The following ACTR3C variants were observed in gnomAD, a reference collection of about 807,000 sequenced individuals.
The protein encoded by ACTR3C is actin related protein 3C.
ACTR3C carries 18 observed loss-of-function variants against 26.3 expected under a neutral mutation model. The observed-to-expected ratio is 0.68, with a 90% confidence interval of 0.47 to 1.01. The LOEUF is 1.01. ACTR3C is among the 50% of genes least tolerant of loss of function. ACTR3C has a pLI of 0.00. For missense variants in ACTR3C, 184 were observed against 250.7 expected, an observed-to-expected ratio of 0.73 and a Z score of 1.80; for synonymous variants, 55 against 94.5, an observed-to-expected ratio of 0.58 and a Z score of 2.42.
the ACTR3C span, among the ~76,000 whole-genome samples, chr7:150,140,248 C>T: frequency 4.7e-4 from 72 of 152,300 alleles, no homozygotes; most frequent in South Asian, 6.2e-4. Context: ...AGGTGAAGAG[C>T]GCATTCCTAC....
chr7:150,145,329 G>T, the ACTR3C span, among the ~76,000 whole-genome samples: 1 of 152,170 alleles, frequency 6.6e-6, no homozygotes, highest in African/African-American at 2.4e-5. Flanking sequence ...GACCAATGGA[G>T]AAAAGCCACC....
chr7:149,973,253 G>A, the ACTR3C span, among the ~76,000 whole-genome samples: 3 of 152,342 alleles, frequency 2.0e-5, no homozygotes, highest in Middle Eastern at 3.4e-3. Flanking sequence ...TCACTCTCCA[G>A]TCTAACCCTG....
the ACTR3C span, among the ~76,000 whole-genome samples, chr7:149,898,448 G>A: frequency 6.6e-6 from 1 of 152,224 alleles, no homozygotes; most frequent in African/African-American, 2.4e-5. Flanking sequence ...GCTCACGCCT[G>A]TAATCCCAAC....
intron 1 of ACTR3C, among the ~76,000 whole-genome samples, chr7:150,322,354 G>A (rs897995879): frequency 6.6e-6 from 1 of 152,272 alleles, no homozygotes; most frequent in African/African-American, 2.4e-5. Context: ...AGACCTTGCT[G>A]ATAAAACAGG....
the ACTR3C span, among the ~76,000 whole-genome samples, chr7:149,884,875 C>A: frequency 2.0e-5 from 3 of 152,224 alleles, no homozygotes; most frequent in African/African-American, 7.2e-5. Context: ...TCACACTGCA[C>A]CCTATGGGTT....
chr7:150,039,268 G>A, the ACTR3C span, among the ~76,000 whole-genome samples: 18 of 147,568 alleles, frequency 1.2e-4, no homozygotes, highest in Admixed American at 4.0e-4. Context: ...TCTCTGCCTC[G>A]GGGGGGTGCC....
the ACTR3C span, among the ~76,000 whole-genome samples, chr7:149,961,237 AG>A: frequency 6.6e-6 from 1 of 151,710 alleles, no homozygotes; most frequent in Admixed American, 6.6e-5. Flanking sequence ...GCACAGAGGA[AG>A]GGGGGCTCAT....
the ACTR3C span, among the ~76,000 whole-genome samples, chr7:149,964,716 T>G: frequency 2.6e-5 from 4 of 152,140 alleles, no homozygotes; most frequent in African/African-American, 9.7e-5. Flanking sequence ...AAATACATAG[T>G]CAGATCAATA....
chr7:150,309,755 GC>G (rs1172143385), intron 1 of ACTR3C, among the ~76,000 whole-genome samples: 1 of 152,162 alleles, frequency 6.6e-6, no homozygotes, highest in Admixed American at 6.5e-5. Context: ...CACTTCTAGG[GC>G]CCCTGGAGCT....
At chr7:149,899,663 G>C in the ACTR3C span, among the ~76,000 whole-genome samples, 2 of 149,290 alleles carry the variant, frequency 1.3e-5, no homozygotes, top group African/African-American at 4.9e-5. Context: ...AAAAGATTTA[G>C]CATTTGTGGA....
At chr7:150,108,331 A>C in the ACTR3C span, among the ~76,000 whole-genome samples, 2 of 150,976 alleles carry the variant, frequency 1.3e-5, no homozygotes, top group African/African-American at 4.9e-5. Flanking sequence ...GATATTAATA[A>C]AAATCAGAAG....
intron 5 of ACTR3C, among the ~76,000 whole-genome samples, chr7:150,285,325 G>C (rs1359222135): frequency 2.6e-5 from 4 of 152,186 alleles, no homozygotes; most frequent in African/African-American, 9.7e-5. Context: ...AGAAGGGTTT[G>C]TTTAACATGA....
At chr7:150,048,301 C>G in the ACTR3C span, among the ~76,000 whole-genome samples, 2 of 151,874 alleles carry the variant, frequency 1.3e-5, no homozygotes, top group Non-Finnish European at 1.5e-5. Context: ...CCAGGCCCCT[C>G]GCGCAGCTCC....
At chr7:149,992,652 G>C in the ACTR3C span, among the ~76,000 whole-genome samples, 2 of 152,212 alleles carry the variant, frequency 1.3e-5, no homozygotes. Context: ...CATGGGTTCC[G>C]TGAGGCCCCG....
the ACTR3C span, among the ~76,000 whole-genome samples, chr7:149,919,531 C>T: frequency 2.6e-5 from 4 of 152,150 alleles, no homozygotes; most frequent in Admixed American, 2.0e-4. Flanking sequence ...TGAGCCACCG[C>T]GTCTGGCCCC....
the ACTR3C span, among the ~76,000 whole-genome samples, chr7:149,963,848 G>C: frequency 1.3e-5 from 2 of 152,108 alleles, no homozygotes; most frequent in Non-Finnish European, 2.9e-5. Flanking sequence ...CATTTCTAAG[G>C]CCTCTGACAC....
chr7:149,933,581 T>C, the ACTR3C span, among the ~76,000 whole-genome samples: 8 of 152,276 alleles, frequency 5.3e-5, no homozygotes, highest in African/African-American at 1.9e-4. Context: ...CAAAAAGCCA[T>C]GAGCAAGTAA....
the ACTR3C span, among the ~76,000 whole-genome samples, chr7:150,151,280 T>C: frequency 7.3e-6 from 1 of 137,840 alleles, no homozygotes; most frequent in African/African-American, 2.5e-5. Context: ...GGTGAGAATA[T>C]TAATTTATAT....
the ACTR3C span, among the ~76,000 whole-genome samples, chr7:150,126,163 G>A: frequency 2.0e-5 from 3 of 152,236 alleles, no homozygotes; most frequent in Non-Finnish European, 4.4e-5. Context: ...CCCCGTGTTG[G>A]AGTCAGTGAG....
Sources: gnomAD v4.1 joint callset for allele counts (sites outside exome capture counted in the v4.1 genomes callset) on GRCh38, gnomAD v4.1.1 for gene constraint, MANE v1.5 for transcripts, NCBI Gene and HGNC (gene_info 2026-07-23, HGNC 2026-07-21) for gene names.